The following PDE4B variants were observed in gnomAD, a reference collection of about 807,000 sequenced individuals.
PDE4B encodes 3',5'-cyclic-AMP phosphodiesterase 4B.
PDE4B carries 20 observed loss-of-function variants against 82.2 expected under a neutral mutation model. The observed-to-expected ratio is 0.24, with a 90% CI of 0.17 to 0.35. The LOEUF (loss-of-function observed/expected upper bound fraction) is 0.35. Among genes scored for constraint, PDE4B ranks in the 10% least tolerant of loss-of-function variants. PDE4B has a pLI of 1.00. For synonymous variants in PDE4B, 320 were observed against 318.9 expected, an observed-to-expected ratio of 1.00 and a Z score of -0.04; for missense variants, 655 against 907.2, an observed-to-expected ratio of 0.72 and a Z score of 3.57.
chr1:66,200,353 T>G (rs1157813866), intron 3 of PDE4B, among the ~76,000 whole-genome samples: 1 of 152,174 alleles, frequency 6.6e-6, no homozygotes, highest in Non-Finnish European at 1.5e-5. Flanking sequence ...CCATATGAAC[T>G]TTACAGTAGT....
At chr1:65,884,871 A>C (rs1646753822) in intron 1 of PDE4B, among the ~76,000 whole-genome samples, 1 of 152,250 alleles carries the variant, frequency 6.6e-6, no homozygotes, top group South Asian at 2.1e-4. Context: ...GGATCTAATT[A>C]AACTAAGGAG....
At chr1:65,874,157 G>T (rs1226296324) in intron 1 of PDE4B, among the ~76,000 whole-genome samples, 1 of 151,698 alleles carries the variant, frequency 6.6e-6, no homozygotes, top group Non-Finnish European at 1.5e-5. Context: ...AGATTCCTAG[G>T]TATTTTATTC....
intron 1 of PDE4B, among the ~76,000 whole-genome samples, chr1:65,899,780 A>G (rs1215416282): frequency 6.6e-6 from 1 of 151,812 alleles, no homozygotes; most frequent in Admixed American, 6.6e-5. Context: ...TAACTCAGGA[A>G]TGGAAAACCA....
chr1:65,961,941 T>C (rs778817561), intron 3 of PDE4B, among the ~76,000 whole-genome samples: 13 of 152,298 alleles, frequency 8.5e-5, no homozygotes, highest in Middle Eastern at 3.4e-3. Context: ...GTCTGTAGCA[T>C]GCGATTTAAC....
rs77927266 is a variant in PDE4B at position 66,161,277 on chromosome 1, AAC to A, written c.282-86163_282-86162del. Among the ~76,000 whole-genome samples, 203 of 149,572 alleles carry A rather than the reference AAC, an allele frequency of 1.4e-3. 1 individual carries two copies. The highest frequency in any genetic ancestry group is 4.5e-3 in the African/African-American group (182 of 40,850). ...CAAACAGGTACAGGCGTCAAACCTG[AAC>A]ACACACACACACACACACAATCACA... On this transcript the variant is annotated intron_variant, in intron 3 of 16. Coordinates refer to ENST00000341517, the MANE Select transcript of PDE4B (RefSeq NM_002600.4).
At chr1:65,825,881 T>TC (rs1646011760) in intron 1 of PDE4B, among the ~76,000 whole-genome samples, 3 of 152,170 alleles carry the variant, frequency 2.0e-5, no homozygotes, top group Non-Finnish European at 4.4e-5. Context: ...ATCTTCCTTA[T>TC]ATGCTACATC....
chr1:65,919,676 G>A (rs1049487455), intron 3 of PDE4B, among the ~76,000 whole-genome samples: 1 of 152,150 alleles, frequency 6.6e-6, no homozygotes, highest in African/African-American at 2.4e-5. Flanking sequence ...GAAAGACTAA[G>A]CATTAAATTA....
intron 3 of PDE4B, among the ~76,000 whole-genome samples, chr1:65,946,705 A>G (rs566391472): frequency 1.0e-3 from 153 of 152,108 alleles, no homozygotes; most frequent in African/African-American, 3.6e-3. Flanking sequence ...TGCTACTACA[A>G]TTAATTCCAG....
intron 4 of PDE4B, among the ~76,000 whole-genome samples, chr1:66,250,107 T>G (rs986442036): frequency 1.3e-5 from 2 of 152,214 alleles, no homozygotes; most frequent in Non-Finnish European, 2.9e-5. Flanking sequence ...GAATCTGAAC[T>G]AAAGTAATGC....
At chr1:66,116,795 G>A (rs1557573409) in intron 3 of PDE4B, among the ~76,000 whole-genome samples, 1 of 152,116 alleles carries the variant, frequency 6.6e-6, no homozygotes, top group Non-Finnish European at 1.5e-5. Flanking sequence ...CAGCTCCTGG[G>A]CTCAAGCAAT....
At chr1:66,186,014 A>G (rs1475214683) in intron 3 of PDE4B, among the ~76,000 whole-genome samples, 2 of 152,202 alleles carry the variant, frequency 1.3e-5, no homozygotes, top group Non-Finnish European at 2.9e-5. Flanking sequence ...ATTTTTGTAT[A>G]AGGTGTAAGG....
At position 66,368,403 on chromosome 1, in the gene PDE4B, T is replaced by C. The variant is rs548691786; in HGVS notation, c.1662+338T>C. On this transcript the variant is annotated intron_variant, in intron 15 of 16. Coordinates refer to ENST00000341517, the MANE Select transcript of PDE4B (RefSeq NM_002600.4). ...AAGTTTGTTAGGTCTGTTTTGGATA[T>C]ACAAATTGCCATCAGCTGTTCTCCT... is the stretch of plus-strand genomic sequence containing the variant. Among the ~76,000 whole-genome samples the C allele has an allele frequency of 1.2e-4, 19 of 152,392 alleles. 1 individual carries two copies. The South Asian group carries it at 3.7e-3, about 30-fold the overall frequency.
At chr1:65,877,091 G>A (rs1307566836) in intron 1 of PDE4B, among the ~76,000 whole-genome samples, 2 of 152,102 alleles carry the variant, frequency 1.3e-5, no homozygotes, top group Non-Finnish European at 1.5e-5. Flanking sequence ...AGCCTGTATA[G>A]CCAAGACAAT....
intron 3 of PDE4B, among the ~76,000 whole-genome samples, chr1:65,986,478 T>C (rs912085882): frequency 1.3e-5 from 2 of 152,206 alleles, no homozygotes; most frequent in East Asian, 3.8e-4. Flanking sequence ...CAGTGAAAAC[T>C]GCACAAAATA....
intron 6 of PDE4B, among the ~76,000 whole-genome samples, chr1:66,265,688 C>G (rs1321171): frequency 9.0e-4 from 113 of 126,150 alleles, no homozygotes; most frequent in Admixed American, 1.7e-3. Flanking sequence ...TTGAGATTCA[C>G]TCTGGCATTT....
chr1:65,804,907 A>C (rs1645736659), intron 1 of PDE4B, among the ~76,000 whole-genome samples: 1 of 133,194 alleles, frequency 7.5e-6, no homozygotes, highest in Non-Finnish European at 1.5e-5. Flanking sequence ...TTTATTATTA[A>C]TTTTAATTGA....
chr1:66,181,711 CCA>C (rs750665741), intron 3 of PDE4B, among the ~76,000 whole-genome samples: 109 of 152,124 alleles, frequency 7.2e-4, no homozygotes, highest in Non-Finnish European at 1.4e-3. Context: ...TATTTTACCA[CCA>C]GCATTGTTTG....
At chr1:66,354,302 G>C (rs1662060140) in intron 8 of PDE4B, 5 of 713,312 alleles carry the variant, frequency 7.0e-6, no homozygotes, top group Non-Finnish European at 8.6e-6. Flanking sequence ...GCAGTGGAGA[G>C]AGAGGGTTAA....
At chr1:65,840,449 G>A (rs1646194225) in intron 1 of PDE4B, among the ~76,000 whole-genome samples, 1 of 152,070 alleles carries the variant, frequency 6.6e-6, no homozygotes, top group African/African-American at 2.4e-5. Context: ...TTTTTAATGA[G>A]TAGTTACAAT....
Sources: gnomAD v4.1 joint callset for allele counts (sites outside exome capture counted in the v4.1 genomes callset) on GRCh38, gnomAD v4.1.1 for gene constraint, MANE v1.5 for transcripts, NCBI Gene and HGNC (gene_info 2026-07-23, HGNC 2026-07-21) for gene names.